EPB41L4A: variants seen among roughly 807,000 people sequenced by gnomAD.
EPB41L4A encodes the protein band 4.1-like protein 4A.
Under a neutral mutation model 108.6 loss-of-function variants are expected in EPB41L4A, and 100 were observed. The ratio of observed to expected loss-of-function variants is 0.92; its 90% CI spans 0.78 to 1.09. The LOEUF (loss-of-function observed/expected upper bound fraction) is 1.09, where lower values mean the gene tolerates loss of function less well. EPB41L4A is among the 50% of genes least tolerant of loss of function. EPB41L4A has a pLI of 0.00. For synonymous variants in EPB41L4A, 319 were observed against 289.0 expected, an observed-to-expected ratio of 1.10 and a Z score of -1.05; for missense variants, 1,030 against 842.7, an observed-to-expected ratio of 1.22 and a Z score of -2.75.
At chr5:112,263,357 C>T (rs1220949459) in intron 6 of EPB41L4A, 1 of 152,136 alleles carries the variant, frequency 6.6e-6, no homozygotes, top group Non-Finnish European at 1.5e-5. Flanking sequence ...AGTCACAATG[C>T]ACTGGAAAAC....
At chr5:112,231,076 T>C (rs1748882916) in intron 12 of EPB41L4A, among the ~76,000 whole-genome samples, 1 of 152,260 alleles carries the variant, frequency 6.6e-6, no homozygotes, top group African/African-American at 2.4e-5. Flanking sequence ...TAGTCATGAA[T>C]GCTTAAAGAT....
At chr5:112,182,114 G>C (rs550266876) in intron 18 of EPB41L4A, among the ~76,000 whole-genome samples, 2 of 152,044 alleles carry the variant, frequency 1.3e-5, no homozygotes, top group East Asian at 3.9e-4. Context: ...GGTGGGCACT[G>C]ACTAGAAGGA....
chr5:112,377,232 G>T, intron 1 of EPB41L4A, among the ~76,000 whole-genome samples: 1 of 139,540 alleles, frequency 7.2e-6, no homozygotes, highest in South Asian at 2.4e-4. Flanking sequence ...AAAAAAAAAA[G>T]ACAATATGTG....
chr5:112,280,754 T>C (rs1014484028), intron 2 of EPB41L4A, among the ~76,000 whole-genome samples: 2 of 152,182 alleles, frequency 1.3e-5, no homozygotes, highest in African/African-American at 4.8e-5. Flanking sequence ...TAATGTGACA[T>C]CCAAATGCTT....
At position 112,184,038 on chromosome 5, in the gene EPB41L4A, G is replaced by A. The variant is rs201759704; in HGVS notation, c.1600C>T (p.Arg534Ter). 2.1e-4 allele frequency: 346 copies of A among 1,613,852 alleles called. No homozygotes were observed. The highest frequency in any genetic ancestry group is 2.7e-4 in the Non-Finnish European group (313 of 1,179,930). ...EKNQADPNNR[R>*]SRHRSRSRSP... ...TACGAACGAGATCTGTGTCTGGATC[G>A]CCTGTTGTTGGGGTCGGCTTGGTTT... Residue 534 changes from arginine to a stop codon, truncating the protein, a stop_gained, in exon 18 of 23, where the codon CGA (arginine) becomes TGA (stop). Coordinates refer to ENST00000261486, the MANE Select transcript of EPB41L4A (RefSeq NM_022140.5). LOFTEE classifies it high-confidence loss of function.
chr5:112,228,076 G>T (rs1256654219), intron 12 of EPB41L4A, among the ~76,000 whole-genome samples: 1 of 152,084 alleles, frequency 6.6e-6, no homozygotes, highest in Admixed American at 6.5e-5. Context: ...TGAGCCCCAG[G>T]GCAGATGGAG....
intron 1 of EPB41L4A, among the ~76,000 whole-genome samples, chr5:112,397,928 T>G (rs1364141481): frequency 6.6e-6 from 1 of 152,204 alleles, no homozygotes; most frequent in Non-Finnish European, 1.5e-5. Context: ...GCAGCCTGCC[T>G]AGAAAACATG....
chr5:112,179,025 G>A (rs1464395495), intron 18 of EPB41L4A, among the ~76,000 whole-genome samples: 8 of 151,912 alleles, frequency 5.3e-5, no homozygotes, highest in African/African-American at 1.9e-4. Context: ...TTAAAGTGGT[G>A]ATATCACAAC....
chr5:112,221,478 A>G (rs1300105602), intron 12 of EPB41L4A, among the ~76,000 whole-genome samples: 1 of 152,228 alleles, frequency 6.6e-6, no homozygotes, highest in Admixed American at 6.5e-5. Context: ...TTTGGGCCAC[A>G]GTTTTCTCCT....
intron 1 of EPB41L4A, among the ~76,000 whole-genome samples, chr5:112,407,081 G>C (rs923107212): frequency 6.6e-6 from 1 of 152,036 alleles, no homozygotes. Context: ...CTGGGCAAAA[G>C]CATGAGTGGC....
At chr5:112,297,737 G>A (rs1754091810) in intron 2 of EPB41L4A, among the ~76,000 whole-genome samples, 1 of 152,098 alleles carries the variant, frequency 6.6e-6, no homozygotes, top group South Asian at 2.1e-4. Flanking sequence ...TTTTTCCAAT[G>A]TTATCTTCTA....
intron 1 of EPB41L4A, among the ~76,000 whole-genome samples, chr5:112,363,282 A>T (rs1758896833): frequency 1.3e-5 from 2 of 152,110 alleles, no homozygotes; most frequent in Admixed American, 6.5e-5. Context: ...AAGTTATTTC[A>T]TATTATATAT....
chr5:112,168,774 C>G lies in EPB41L4A; in HGVS notation c.1897G>C (p.Asp633His). ...GTAGCATCCCCAGAACCCTGAGCAT[C>G]CGAAGAACGGGTCACCGGAAGTGGT... The part of the protein sequence containing the change: ...VPPLPVTRSS[D>H]AQGSGDATVH... Residue 633 changes from aspartate to histidine, a missense_variant, in exon 22 of 23, where the codon GAT (aspartate) becomes CAT (histidine). Physicochemically the swap from Asp to His is moderately conservative, Grantham distance 81 (BLOSUM62 -1). Transcript: ENST00000261486. 6.2e-7 allele frequency: 1 copy of G among 1,614,130 alleles called. No homozygotes were observed. The highest frequency in any genetic ancestry group is 8.5e-7 in the Non-Finnish European group (1 of 1,179,996).
chr5:112,349,427 C>G (rs1011945430), intron 1 of EPB41L4A, among the ~76,000 whole-genome samples: 3 of 152,026 alleles, frequency 2.0e-5, no homozygotes, highest in African/African-American at 7.3e-5. Context: ...TGCAGCATTG[C>G]CTGTAGATCA....
chr5:112,398,740 T>C (rs1761543184), intron 1 of EPB41L4A, among the ~76,000 whole-genome samples: 2 of 152,064 alleles, frequency 1.3e-5, no homozygotes, highest in Admixed American at 6.6e-5. Flanking sequence ...AGCCTGTCTT[T>C]GCTATAGACT....
Position 112,182,846 on chromosome 5 carries a change from T to C in EPB41L4A, c.1622+1170A>G, listed in dbSNP as rs987378109. 1.3e-5 allele frequency among the ~76,000 whole-genome samples: 2 copies of C among 151,834 alleles called. 1 individual carries two copies. Among genetic ancestry groups the C allele is most frequent in the East Asian group, 3.9e-4 (2 of 5,180 alleles). On this transcript the variant is annotated intron_variant, in intron 18 of 22. Transcript: ENST00000261486. ...TATCTCACAACAAAGGAAATCTTCA[T>C]TAACTTCAGCTTTAAATTGACTACC...
At chr5:112,183,585 C>T (rs1480561802) in intron 18 of EPB41L4A, among the ~76,000 whole-genome samples, 1 of 152,122 alleles carries the variant, frequency 6.6e-6, no homozygotes, top group African/African-American at 2.4e-5. Context: ...TGTAATGAAT[C>T]ACTCACTGAC....
chr5:112,325,442 T>TA (rs11294749), intron 1 of EPB41L4A, among the ~76,000 whole-genome samples: 5,877 of 103,468 alleles, frequency 0.057, 403 homozygotes, highest in African/African-American at 0.17. Flanking sequence ...CTCCGTCTCA[T>TA]AAAAAAAAAA....
At chr5:112,264,580 G>A (rs1259216345) in intron 6 of EPB41L4A, 1 of 175,768 alleles carries the variant, frequency 5.7e-6, no homozygotes, top group East Asian at 1.5e-4. Context: ...ATTCCACTAT[G>A]TAATATCATA....
Sources: gnomAD v4.1 joint callset for allele counts (sites outside exome capture counted in the v4.1 genomes callset) on GRCh38, gnomAD v4.1.1 for gene constraint, MANE v1.5 for transcripts, NCBI Gene and HGNC (gene_info 2026-07-23, HGNC 2026-07-21) for gene names.